GRIK3: variants seen among roughly 807,000 people sequenced by gnomAD.
GRIK3 encodes glutamate receptor ionotropic, kainate 3.
In GRIK3, 29 loss-of-function variants were observed where a neutral mutation model predicts 102.5. That is an observed-to-expected ratio of 0.28 (90% confidence interval 0.21 to 0.39). The LOEUF (loss-of-function observed/expected upper bound fraction) is 0.39. GRIK3 is among the 10% of genes least tolerant of loss of function. The probability of loss-of-function intolerance (pLI) is 1.00; values close to 1 mark genes in which losing one functional copy is unlikely to be tolerated. For synonymous variants in GRIK3, 511 were observed against 504.9 expected (o/e 1.01, Z -0.16); for missense variants, 908 against 1,252.4 (o/e 0.73, Z 4.15).
At chr1:36,889,952 G>A (rs1389359956) in intron 2 of GRIK3, among the ~76,000 whole-genome samples, 1 of 152,076 alleles carries the variant, frequency 6.6e-6, no homozygotes, top group Non-Finnish European at 1.5e-5. Context: ...GGACAAGGCC[G>A]GGCAGAGGGT....
rs555165357 is a variant in GRIK3, at chr1:36,927,854, T to C, written c.116-36758A>G. Among the ~76,000 whole-genome samples, 13 of 152,026 alleles carry C rather than the reference T, an allele frequency of 8.6e-5. No homozygotes were observed. The East Asian group carries it at 2.3e-3, about 27-fold the overall frequency. Reference sequence around the variant, plus strand: ...CCCCGAGAGGCAGGGGGAGAGATAATTGGAGACCCGGAGCCCCGGCTTGCC... The same window carrying C: ...CCCCGAGAGGCAGGGGGAGAGATAACTGGAGACCCGGAGCCCCGGCTTGCC... On this transcript the variant is annotated intron_variant, in intron 1 of 15. Coordinates refer to ENST00000373091, the MANE Select transcript of GRIK3 (RefSeq NM_000831.4).
rs1201071505 is a variant in GRIK3, at chr1:36,872,203, G to A, written c.717C>T (p.Ala239=). ...IIFDCSHTMA[A]QILKQAMAMG... The stretch of plus-strand genomic sequence containing the variant: ...ACTCACGCACCTGCTTGAGGATCTG[G>A]GCCGCCATAGTGTGGCTGCAGTCGA... The change falls in exon 4 of 16, where the codon GCC becomes GCT. Residue 239 remains alanine, a synonymous_variant. Transcript: ENST00000373091. The surrounding 1 kb of genome is among the most constrained non-coding windows in gnomAD (Gnocchi z 5.9). The A allele has an allele frequency of 2.3e-5, 36 of 1,599,146 alleles. No individual in the cohort carries two copies. Among genetic ancestry groups the A allele is most frequent in the Non-Finnish European group, 3.0e-5 (35 of 1,171,140 alleles).
chr1:36,877,459 G>C (rs1460687124), intron 3 of GRIK3, among the ~76,000 whole-genome samples: 1 of 152,052 alleles, frequency 6.6e-6, no homozygotes, highest in Non-Finnish European at 1.5e-5. Context: ...CCTGTGCATT[G>C]CTCTTAGAAC....
intron 10 of GRIK3, among the ~76,000 whole-genome samples, chr1:36,831,203 C>T (rs970367660): frequency 1.3e-5 from 2 of 152,250 alleles, no homozygotes; most frequent in African/African-American, 4.8e-5. Context: ...ACCCACCCTG[C>T]CTTGTCCTGA....
chr1:36,824,569 G>T (rs1019152808), intron 11 of GRIK3, among the ~76,000 whole-genome samples: 2 of 152,140 alleles, frequency 1.3e-5, no homozygotes, highest in Non-Finnish European at 2.9e-5. Context: ...TTTTAAAGAA[G>T]GCTCTGGAGA....
chr1:37,026,741 C>T (rs1051105965), intron 1 of GRIK3, among the ~76,000 whole-genome samples: 2 of 152,062 alleles, frequency 1.3e-5, no homozygotes, highest in African/African-American at 4.8e-5. Flanking sequence ...CAAGGTCACA[C>T]AGCAAGTACA....
intron 1 of GRIK3, among the ~76,000 whole-genome samples, chr1:36,934,391 G>A (rs147051261): frequency 7.0e-4 from 107 of 152,198 alleles, no homozygotes; most frequent in African/African-American, 2.5e-3. Flanking sequence ...TGCTAAACCC[G>A]CAGTTCCTTC....
At chr1:36,973,549 A>G (rs540240811) in intron 1 of GRIK3, among the ~76,000 whole-genome samples, 49 of 146,602 alleles carry the variant, frequency 3.3e-4, no homozygotes, top group Non-Finnish European at 3.4e-4. Flanking sequence ...CCTCCCTAGT[A>G]TCTGGGACTA....
At chr1:36,844,873 G>A (rs902004023) in intron 9 of GRIK3, among the ~76,000 whole-genome samples, 1 of 152,112 alleles carries the variant, frequency 6.6e-6, no homozygotes, top group Non-Finnish European at 1.5e-5. Flanking sequence ...GGTTGATAGC[G>A]GAAAACCATT....
chr1:36,840,564 AAAAAAAAAAAAAAT>A (rs1332420261), intron 10 of GRIK3, among the ~76,000 whole-genome samples: 3 of 104,718 alleles, frequency 2.9e-5, no homozygotes, highest in African/African-American at 1.2e-4. Flanking sequence ...AAAAAAAAAA[AAAAAAAAAAAAAAT>A]TAGCCAGGTG....
At chr1:36,918,475 T>C (rs1006451144) in intron 1 of GRIK3, among the ~76,000 whole-genome samples, 1 of 152,210 alleles carries the variant, frequency 6.6e-6, no homozygotes, top group Non-Finnish European at 1.5e-5. Context: ...AAGTATCTGA[T>C]CCCTTCTCGT....
intron 1 of GRIK3, 21 bp from the exon 2 acceptor site, chr1:36,891,117 T>C: frequency 1.3e-6 from 2 of 1,593,754 alleles, no homozygotes; most frequent in Non-Finnish European, 1.7e-6. Flanking sequence ...TGAGTAAAAT[T>C]GTGTGTGGTT....
In GRIK3 at chr1:36,918,654, G is replaced by A. The variant is rs184023093; in HGVS notation, c.116-27558C>T. The stretch of plus-strand genomic sequence containing the variant: ...ACCTTGCAGCCAGGTGTGTCCAGCT[G>A]TGTCCTCCCCCAGACAATGCCAGTT... On this transcript the variant is annotated intron_variant, in intron 1 of 15. Coordinates refer to ENST00000373091, the MANE Select transcript of GRIK3 (RefSeq NM_000831.4). Among the ~76,000 whole-genome samples the A allele has an allele frequency of 3.9e-5, 6 of 152,152 alleles. No individual in the cohort carries two copies. The East Asian group carries it at 5.8e-4, about 15-fold the overall frequency.
At chr1:36,977,227 C>T (rs867181046) in intron 1 of GRIK3, among the ~76,000 whole-genome samples, 4 of 152,152 alleles carry the variant, frequency 2.6e-5, no homozygotes, top group African/African-American at 9.7e-5. Flanking sequence ...TCATTGAATC[C>T]TTATAGGGTA....
chr1:36,890,872 C>A (rs1009708953), intron 2 of GRIK3, 48 bp downstream of exon 2: 3 of 1,458,948 alleles, frequency 2.1e-6, no homozygotes, highest in Non-Finnish European at 2.8e-6. Context: ...TGCAGCGCTT[C>A]CCCTCCCCAG....
intron 10 of GRIK3, among the ~76,000 whole-genome samples, chr1:36,835,581 C>A (rs1230611582): frequency 6.6e-6 from 1 of 152,220 alleles, no homozygotes; most frequent in Admixed American, 6.5e-5. Flanking sequence ...ATCACAACCC[C>A]TAATTGAGTA....
At chr1:37,001,497 A>G (rs1642475668) in intron 1 of GRIK3, among the ~76,000 whole-genome samples, 1 of 152,112 alleles carries the variant, frequency 6.6e-6, no homozygotes. Flanking sequence ...CTCCCTGCTC[A>G]TGGTGGGGAC....
intron 1 of GRIK3, among the ~76,000 whole-genome samples, chr1:36,917,842 G>C (rs1021325091): frequency 1.3e-5 from 2 of 152,312 alleles, no homozygotes; most frequent in Admixed American, 6.5e-5. Flanking sequence ...AGTGGGGAGA[G>C]ATTCCTTATA....
chr1:36,847,152 C>T (rs766272301), intron 9 of GRIK3, among the ~76,000 whole-genome samples: 2 of 152,194 alleles, frequency 1.3e-5, no homozygotes, highest in African/African-American at 2.4e-5. Flanking sequence ...CATCCATAGG[C>T]GGTGGGATAT....
Sources: allele counts gnomAD v4.1 joint callset (sites outside exome capture counted in the v4.1 genomes callset), GRCh38; gene constraint gnomAD v4.1.1; non-coding constraint Gnocchi (gnomAD v3.1); transcripts MANE v1.5; gene names NCBI Gene and HGNC (gene_info 2026-07-23, HGNC 2026-07-21).